Variants in MYLK3 observed in about 807,000 individuals in gnomAD.
MYLK3 encodes MLC kinase.
MYLK3 carries 55 observed loss-of-function variants against 76.3 expected under a neutral mutation model. The ratio of observed to expected loss-of-function variants is 0.72; its 90% CI spans 0.58 to 0.90. The LOEUF (loss-of-function observed/expected upper bound fraction) is 0.90. Ranked by LOEUF, MYLK3 falls within the 40% of genes least tolerant of loss-of-function variation. The pLI, the probability that MYLK3 is intolerant of heterozygous loss-of-function variation, is 0.00. For missense variants in MYLK3, 973 were observed against 1,053.6 expected (o/e 0.92, Z 1.06); for synonymous variants, 416 against 425.4 (o/e 0.98, Z 0.27).
At chr16:46,735,420 G>A (rs928489834) in intron 3 of MYLK3, among the ~76,000 whole-genome samples, 2 of 152,080 alleles carry the variant, frequency 1.3e-5, no homozygotes, top group African/African-American at 4.8e-5. Flanking sequence ...TGGCCAGGCT[G>A]GTCTTGAACT....
intron 5 of MYLK3, among the ~76,000 whole-genome samples, chr16:46,730,234 C>T (rs1966849806): frequency 6.6e-6 from 1 of 151,788 alleles, no homozygotes; most frequent in South Asian, 2.1e-4. Flanking sequence ...AGGGAACATC[C>T]CCTCACCCCA....
At chr16:46,707,956 T>C (rs1357594910) in intron 12 of MYLK3, among the ~76,000 whole-genome samples, 193 bp from the exon 13 acceptor site, 1 of 150,232 alleles carries the variant, frequency 6.7e-6, no homozygotes, top group African/African-American at 2.5e-5. Flanking sequence ...TGGGAGTAAA[T>C]ATGAAGTGGG....
intron 12 of MYLK3, among the ~76,000 whole-genome samples, chr16:46,708,483 C>A (rs1216161114): frequency 6.6e-6 from 1 of 151,896 alleles, no homozygotes; most frequent in African/African-American, 2.4e-5. Context: ...AGATGGGAGT[C>A]TCCCTCTGTC....
rs767585675 is a variant in MYLK3 at position 46,740,108 on chromosome 16, G to C, written c.517C>G (p.His173Asp). 1.2e-6 allele frequency: 2 copies of C among 1,613,686 alleles called. No homozygotes were observed. The highest frequency in any genetic ancestry group is 1.3e-5 in the African/African-American group (1 of 74,922). The change falls in exon 2 of 13, where the codon CAT becomes GAT. Residue 173 changes from histidine to aspartate, a missense_variant. Physicochemically the swap from His to Asp is moderately conservative, Grantham distance 81 (BLOSUM62 -1). This residue lies in a region of MYLK3 where 641 missense variants were observed against 637.0 expected (regional missense o/e 1.01). Transcript: ENST00000394809. The part of the protein sequence containing the change: ...RVEEEGGKPK[H>D]VLSTSGVQSD... ...TGCACCCCACTGGTGCTCAGCACATGCTTTGGTTTTCCTCCCTCTTCTTCC... is the reference window on the plus strand; with the variant it reads ...TGCACCCCACTGGTGCTCAGCACATCCTTTGGTTTTCCTCCCTCTTCTTCC...
At chr16:46,753,219 C>T (rs926320783), upstream of MYLK3, among the ~76,000 whole-genome samples, 1 of 152,210 alleles carries the variant, frequency 6.6e-6, no homozygotes, top group Non-Finnish European at 1.5e-5. Flanking sequence ...CCCGATACCC[C>T]CGGTAGGGTA....
At position 46,721,205 on chromosome 16, in the gene MYLK3, A is replaced by G. The variant is rs1966796158; in HGVS notation, c.1915-12T>C. On this transcript the variant is annotated splice_polypyrimidine_tract_variant and intron_variant, in intron 8 of 12. Coordinates refer to ENST00000394809, the MANE Select transcript of MYLK3 (RefSeq NM_182493.3). ...AATATGTTCTCCGGCTGGGAAAGAA[A>G]GAAGTCTGCTTAGCCCAAGCAATAG... The G allele has an allele frequency of 6.2e-7, 1 of 1,614,070 alleles. No homozygotes were observed. Among genetic ancestry groups the G allele is most frequent in the Admixed American group, 1.7e-5 (1 of 60,020 alleles).
chr16:46,713,623 T>C (rs1966707484), intron 9 of MYLK3, among the ~76,000 whole-genome samples: 1 of 152,234 alleles, frequency 6.6e-6, no homozygotes. Context: ...CTCTTGGCAA[T>C]TCTGAAGTAT....
chr16:46,718,859 G>A (rs188062292), intron 9 of MYLK3, among the ~76,000 whole-genome samples: 32 of 152,044 alleles, frequency 2.1e-4, no homozygotes, highest in Non-Finnish European at 3.7e-4. Flanking sequence ...CCAGCTACTC[G>A]GGAGGCTGAG....
At chr16:46,729,347 C>A (rs1478608135) in intron 6 of MYLK3, among the ~76,000 whole-genome samples, 2 of 152,184 alleles carry the variant, frequency 1.3e-5, no homozygotes, top group East Asian at 1.9e-4. Context: ...TAAGGCCCAA[C>A]AAGGACAGGA....
intron 9 of MYLK3, among the ~76,000 whole-genome samples, chr16:46,719,044 A>T (rs1258823416): frequency 2.0e-5 from 3 of 150,848 alleles, no homozygotes; most frequent in African/African-American, 7.3e-5. Context: ...AAGATATGTG[A>T]TTCGGCCTGC....
chr16:46,752,439 G>C (rs947832650), upstream of MYLK3, among the ~76,000 whole-genome samples: 1 of 151,980 alleles, frequency 6.6e-6, no homozygotes, highest in Non-Finnish European at 1.5e-5. Flanking sequence ...CAGGTATTAA[G>C]CCTAGTACCC....
intron 1 of MYLK3, among the ~76,000 whole-genome samples, chr16:46,753,862 G>A (rs988234279): frequency 6.6e-6 from 1 of 152,168 alleles, no homozygotes; most frequent in Admixed American, 6.6e-5. Context: ...GCAGCGAACT[G>A]TGTTTGTGCC....
At chr16:46,744,330 CTTTTTTT>C (rs71158891) in intron 1 of MYLK3, among the ~76,000 whole-genome samples, 1 of 43,688 alleles carries the variant, frequency 2.3e-5, no homozygotes, top group African/African-American at 1.0e-4. Context: ...CCACACCCAG[CTTTTTTT>C]TTTTTTTTTT....
chr16:46,756,897 C>T (rs1198052864), intron 1 of MYLK3, among the ~76,000 whole-genome samples: 1 of 152,200 alleles, frequency 6.6e-6, no homozygotes, highest in Non-Finnish European at 1.5e-5. Flanking sequence ...AGACCAGCCA[C>T]ACCTTCTCCC....
At chr16:46,737,611 C>T in intron 3 of MYLK3, 100 bp downstream of exon 3, 1 of 1,209,634 alleles carries the variant, frequency 8.3e-7, no homozygotes, top group South Asian at 1.5e-5. Context: ...GCAAGAACAG[C>T]CCAGGAACAT....
intron 1 of MYLK3, among the ~76,000 whole-genome samples, chr16:46,742,340 T>C (rs1056896396): frequency 2.0e-5 from 3 of 151,812 alleles, no homozygotes; most frequent in African/African-American, 7.3e-5. Context: ...GTGTATCACA[T>C]GAGGTCAGGA....
At chr16:46,739,956 A>T in intron 2 of MYLK3, 101 bp downstream of exon 2, 1 of 803,512 alleles carries the variant, frequency 1.2e-6, no homozygotes, top group Non-Finnish European at 2.0e-6. Flanking sequence ...AGAAGCTTTG[A>T]CAGTTGCCCA....
intron 1 of MYLK3, among the ~76,000 whole-genome samples, chr16:46,744,528 G>A (rs1330224610): frequency 6.7e-6 from 1 of 150,156 alleles, no homozygotes; most frequent in Non-Finnish European, 1.5e-5. Flanking sequence ...TTCTATTAAA[G>A]ACAGGGTTTC....
chr16:46,748,030 C>CG lies in MYLK3; in HGVS notation c.163dup (p.Arg55ProfsTer25). On this transcript the variant is annotated frameshift_variant, in exon 1 of 13. Transcript: ENST00000394809. LOFTEE classifies it high-confidence loss of function. The surrounding 1 kb of genome is among the most constrained non-coding windows in gnomAD (Gnocchi z 4.3). ...GCCCCGCTCCAGGTGGCCCATGTCT[C>CG]GGCACATGCTCTGCAACTTCTCTGT... 1 of 1,614,068 alleles carries CG rather than the reference C, an allele frequency of 6.2e-7. No homozygotes were observed. The highest frequency in any genetic ancestry group is 1.1e-5 in the South Asian group (1 of 91,086).
Sources: allele counts gnomAD v4.1 joint callset (sites outside exome capture counted in the v4.1 genomes callset), GRCh38; gene constraint gnomAD v4.1.1; regional missense constraint gnomAD v4.1.1; non-coding constraint Gnocchi (gnomAD v3.1); transcripts MANE v1.5; gene names NCBI Gene and HGNC (gene_info 2026-07-23, HGNC 2026-07-21).